Variants in SHB observed in about 807,000 individuals in gnomAD.
The protein encoded by SHB is SH2 domain-containing adapter protein B.
Under a neutral mutation model 52.3 loss-of-function variants are expected in SHB, and 20 were observed. The ratio of observed to expected loss-of-function variants is 0.38; its 90% confidence interval spans 0.27 to 0.56. The LOEUF is 0.56. SHB is among the 20% of genes least tolerant of loss of function. The pLI is 0.71. For synonymous variants in SHB, 397 were observed against 316.5 expected (o/e 1.25, Z -2.70); for missense variants, 825 against 723.3 (o/e 1.14, Z -1.61).
chr9:37,987,639 G>A (rs1049428474), intron 2 of SHB, among the ~76,000 whole-genome samples: 1 of 152,230 alleles, frequency 6.6e-6, no homozygotes, highest in Non-Finnish European at 1.5e-5. Flanking sequence ...GGTCACTGGA[G>A]TAATCTCAGG....
At chr9:37,946,112 C>T (rs1832488288) in intron 5 of SHB, among the ~76,000 whole-genome samples, 1 of 152,166 alleles carries the variant, frequency 6.6e-6, no homozygotes, top group African/African-American at 2.4e-5. Flanking sequence ...ATACGCAGTG[C>T]ACAGATGAGG....
intron 2 of SHB, among the ~76,000 whole-genome samples, chr9:38,013,710 A>C (rs1479377414): frequency 1.3e-5 from 2 of 152,164 alleles, no homozygotes; most frequent in Non-Finnish European, 2.9e-5. Flanking sequence ...TTCCTAAGGC[A>C]CCAGGCAGGG....
At chr9:37,947,393 G>C (rs530576146) in intron 5 of SHB, among the ~76,000 whole-genome samples, 1 of 152,326 alleles carries the variant, frequency 6.6e-6, no homozygotes, top group African/African-American at 2.4e-5. Flanking sequence ...TCCTCTTGCA[G>C]AGCTGGAATC....
At chr9:37,950,453 G>A (rs1040972654) in intron 4 of SHB, among the ~76,000 whole-genome samples, 6 of 152,210 alleles carry the variant, frequency 3.9e-5, no homozygotes, top group Non-Finnish European at 5.9e-5. Flanking sequence ...GACTGGAAGA[G>A]CTGACGGTAA....
chr9:37,949,764 G>A (rs1191547349), intron 4 of SHB, among the ~76,000 whole-genome samples: 1 of 152,212 alleles, frequency 6.6e-6, no homozygotes. Context: ...AGCTGTCCAT[G>A]CTCCTGCCAG....
At chr9:37,935,113 C>T (rs865808843) in intron 5 of SHB, among the ~76,000 whole-genome samples, 1 of 152,148 alleles carries the variant, frequency 6.6e-6, no homozygotes, top group Non-Finnish European at 1.5e-5. Flanking sequence ...TGGAGTTATG[C>T]GAATATTTGG....
intron 1 of SHB, among the ~76,000 whole-genome samples, chr9:38,018,081 T>C (rs1225763884): frequency 2.6e-5 from 4 of 151,986 alleles, no homozygotes; most frequent in Non-Finnish European, 4.4e-5. Context: ...AACATGAACA[T>C]GCTCCATCTA....
intron 2 of SHB, among the ~76,000 whole-genome samples, chr9:37,984,167 C>T (rs1183466917): frequency 9.2e-5 from 14 of 152,206 alleles, no homozygotes; most frequent in Admixed American, 8.5e-4. Flanking sequence ...TCAACGACCA[C>T]TCCTGGGGGC....
Position 37,919,017 on chromosome 9 carries a change from C to G in SHB, c.*804G>C, listed in dbSNP as rs75380662. Reference sequence around the variant, plus strand: ...GAGCTGAGGCCTCGGCCTCCCTCCCCTCCCTGGGGCCTGCCACAGCAGCAA... The same window carrying G: ...GAGCTGAGGCCTCGGCCTCCCTCCCGTCCCTGGGGCCTGCCACAGCAGCAA... On this transcript the variant is annotated 3_prime_UTR_variant, in exon 6 of 6. Coordinates refer to ENST00000377707, the MANE Select transcript of SHB (RefSeq NM_003028.3). 6.6e-6 allele frequency: 1 copy of G among 152,510 alleles called. No individual in the cohort carries two copies. Among genetic ancestry groups the G allele is most frequent in the Non-Finnish European group, 1.5e-5 (1 of 68,038 alleles). 9.4% of individuals were successfully genotyped at this position (152,510 alleles called of 1,614,324 possible). A position where few individuals can be genotyped will look rare whatever the true frequency, so the allele number is the denominator to read the frequency against.
At chr9:37,942,364 G>A (rs964391868) in intron 5 of SHB, among the ~76,000 whole-genome samples, 1 of 152,220 alleles carries the variant, frequency 6.6e-6, no homozygotes, top group Non-Finnish European at 1.5e-5. Flanking sequence ...GGACTGAGAG[G>A]AAAGTGGTCT....
chr9:37,982,162 A>G (rs1820735570), intron 2 of SHB, among the ~76,000 whole-genome samples: 1 of 152,138 alleles, frequency 6.6e-6, no homozygotes, highest in Admixed American at 6.5e-5. Context: ...AAGTATGCCT[A>G]AACATTTTAT....
intron 3 of SHB, among the ~76,000 whole-genome samples, chr9:37,972,986 C>CT (rs1427468324): frequency 1.3e-5 from 2 of 152,226 alleles, no homozygotes; most frequent in African/African-American, 4.8e-5. Flanking sequence ...CTCACTGTCT[C>CT]TCTTTTTACA....
At chr9:37,982,364 G>A (rs1404601297) in intron 2 of SHB, among the ~76,000 whole-genome samples, 2 of 152,028 alleles carry the variant, frequency 1.3e-5, no homozygotes. Flanking sequence ...GTGGTGGTGG[G>A]CACCTATAAT....
chr9:37,971,536 C>T (rs556688595), intron 3 of SHB, among the ~76,000 whole-genome samples: 2 of 152,334 alleles, frequency 1.3e-5, no homozygotes, highest in Non-Finnish European at 2.9e-5. Flanking sequence ...GAGATGGCCT[C>T]CTCCTTCTAT....
At chr9:37,989,233 T>C (rs1820850435) in intron 2 of SHB, among the ~76,000 whole-genome samples, 1 of 152,134 alleles carries the variant, frequency 6.6e-6, no homozygotes, top group South Asian at 2.1e-4. Flanking sequence ...GAAACAAAGG[T>C]CCTGCAAAGA....
At chr9:38,056,089 A>G (rs1380898740) in intron 1 of SHB, among the ~76,000 whole-genome samples, 1 of 152,214 alleles carries the variant, frequency 6.6e-6, no homozygotes, top group African/African-American at 2.4e-5. Flanking sequence ...CATCATCATT[A>G]TCATAATCAC....
intron 1 of SHB, among the ~76,000 whole-genome samples, chr9:38,065,542 C>T (rs896831708): frequency 1.3e-5 from 2 of 152,180 alleles, no homozygotes; most frequent in African/African-American, 4.8e-5. Flanking sequence ...TCTGTTGTAA[C>T]CAGCCCTATA....
At chr9:38,044,243 C>G (rs1411790849) in intron 1 of SHB, among the ~76,000 whole-genome samples, 1 of 152,224 alleles carries the variant, frequency 6.6e-6, no homozygotes, top group Non-Finnish European at 1.5e-5. Context: ...GTGCAGACGT[C>G]CCTCCCTGCA....
At chr9:38,020,828 T>C (rs905549077) in intron 1 of SHB, among the ~76,000 whole-genome samples, 1 of 151,790 alleles carries the variant, frequency 6.6e-6, no homozygotes, top group Non-Finnish European at 1.5e-5. Flanking sequence ...GGTGGGGGGG[T>C]GGCCCAACAG....
Sources: allele counts gnomAD v4.1 joint callset (sites outside exome capture counted in the v4.1 genomes callset), GRCh38; gene constraint gnomAD v4.1.1; transcripts MANE v1.5; gene names NCBI Gene and HGNC (gene_info 2026-07-23, HGNC 2026-07-21).